The following NUDT3 variants were observed in gnomAD, a reference collection of about 807,000 sequenced individuals.
The protein encoded by NUDT3 is diphosphoinositol polyphosphate phosphohydrolase 1.
Under a neutral mutation model 23.6 loss-of-function variants are expected in NUDT3, and 9 were observed. The observed-to-expected ratio is 0.38, with a 90% confidence interval of 0.23 to 0.66. NUDT3 has a LOEUF of 0.66. Ranked by LOEUF, NUDT3 falls within the 30% of genes least tolerant of loss-of-function variation. The pLI is 0.52. For missense variants in NUDT3, 172 were observed against 218.5 expected (o/e 0.79, Z 1.34); for synonymous variants, 86 against 82.6 (o/e 1.04, Z -0.22).
intron 1 of NUDT3, among the ~76,000 whole-genome samples, chr6:34,368,354 G>C (rs1266631486): frequency 6.6e-6 from 1 of 152,168 alleles, no homozygotes. Context: ...CTCTTTACAA[G>C]CTTGAGAAGG....
intron 1 of NUDT3, among the ~76,000 whole-genome samples, chr6:34,365,697 G>C (rs771551566): frequency 6.6e-6 from 1 of 152,184 alleles, no homozygotes; most frequent in African/African-American, 2.4e-5. Flanking sequence ...AGGATCCCTT[G>C]AGGCCAGGAG....
At position 34,349,367 on chromosome 6, in the gene NUDT3, C is replaced by A. The variant is rs1021555435; in HGVS notation, c.100-7395G>T. ...CTGACAGGACGTGGGAATATGACTCCTTGGATATGGGCTGGGTCAATGGTG... is the reference window on the plus strand; with the variant it reads ...CTGACAGGACGTGGGAATATGACTCATTGGATATGGGCTGGGTCAATGGTG... On this transcript the variant is annotated intron_variant, in intron 1 of 4. Transcript: ENST00000607016. 2.3e-4 allele frequency among the ~76,000 whole-genome samples: 32 copies of A among 139,716 alleles called. 2 individuals are homozygous for A. The highest frequency in any genetic ancestry group is 8.3e-4 in the African/African-American group (29 of 34,764). 91.7% of individuals were successfully genotyped at this position (139,716 alleles called of 152,430 possible).
intron 1 of NUDT3, among the ~76,000 whole-genome samples, chr6:34,391,359 T>C (rs1765195958): frequency 6.6e-6 from 1 of 152,248 alleles, no homozygotes; most frequent in Non-Finnish European, 1.5e-5. Context: ...AGGCATCTTA[T>C]GAATTTCCAA....
chr6:34,385,636 C>A (rs1384776835), intron 1 of NUDT3, among the ~76,000 whole-genome samples: 1 of 151,316 alleles, frequency 6.6e-6, no homozygotes, highest in Admixed American at 6.6e-5. Flanking sequence ...TTTTAAGATC[C>A]CCTCTCCAGT....
intron 2 of NUDT3, among the ~76,000 whole-genome samples, chr6:34,319,818 G>A (rs1293735635): frequency 2.6e-5 from 4 of 152,174 alleles, no homozygotes; most frequent in East Asian, 3.8e-4. Context: ...TCATAAAGGC[G>A]GGGAAAGATT....
intron 2 of NUDT3, among the ~76,000 whole-genome samples, chr6:34,324,005 T>A (rs1763985159): frequency 6.6e-6 from 1 of 152,126 alleles, no homozygotes; most frequent in African/African-American, 2.4e-5. Context: ...GTGATCAAAC[T>A]TGGCTACACT....
rs117803339 is a variant in NUDT3 at position 34,295,313 on chromosome 6, A to G, written c.255+328T>C. 1.2e-4 allele frequency among the ~76,000 whole-genome samples: 19 copies of G among 152,140 alleles called. No homozygotes were observed. The East Asian group carries it at 2.5e-3, about 20-fold the overall frequency. On this transcript the variant is annotated intron_variant, in intron 3 of 4. Coordinates refer to ENST00000607016, the MANE Select transcript of NUDT3 (RefSeq NM_006703.4). ...TGAGGCAGGAGGATCGCTTAAACGC[A>G]GGAGTTTGAGACCAGCCTGGGCAAC...
Position 34,280,875 on chromosome 6 carries a change from C to G in NUDT3, c.*7878G>C, listed in dbSNP as rs1350018544. ...CTGTCTCAGTTCCACAGATATTACT[C>G]AACTTGGCCATTTACGCCTCAGCTA... On this transcript the variant is annotated 3_prime_UTR_variant, in exon 5 of 5. Transcript: ENST00000607016. 6.6e-6 allele frequency: 1 copy of G among 152,190 alleles called. No individual in the cohort carries two copies. The highest frequency in any genetic ancestry group is 1.5e-5 in the Non-Finnish European group (1 of 68,038). 9.4% of individuals were successfully genotyped at this position (152,190 alleles called of 1,614,324 possible).
chr6:34,380,831 C>T (rs1456495025), intron 1 of NUDT3, among the ~76,000 whole-genome samples: 1 of 152,136 alleles, frequency 6.6e-6, no homozygotes, highest in African/African-American at 2.4e-5. Context: ...ATATCTGGGC[C>T]TCTGACTTAG....
intron 2 of NUDT3, among the ~76,000 whole-genome samples, chr6:34,305,069 A>G (rs1452254553): frequency 7.2e-6 from 1 of 139,514 alleles, no homozygotes; most frequent in African/African-American, 2.7e-5. Context: ...TGCAACCTCC[A>G]TCTTCCAGGT....
chr6:34,288,580 G>T lies in NUDT3; in HGVS notation c.*173C>A. 2.4e-6 allele frequency: 2 copies of T among 837,208 alleles called. No homozygotes were observed. The highest frequency in any genetic ancestry group is 3.5e-6 in the Non-Finnish European group (2 of 571,382). 51.9% of individuals were successfully genotyped at this position (837,208 alleles called of 1,614,324 possible). A position where few individuals can be genotyped will look rare whatever the true frequency, so the allele number is the denominator to read the frequency against. ...ACCCTCAATAAAAACAGAAGAAAAA[G>T]CCCCATCACTTAACACCAAACAGCA... On this transcript the variant is annotated 3_prime_UTR_variant, in exon 5 of 5. Coordinates refer to ENST00000607016, the MANE Select transcript of NUDT3 (RefSeq NM_006703.4).
chr6:34,360,564 C>T (rs141155154), intron 1 of NUDT3, among the ~76,000 whole-genome samples: 201 of 152,200 alleles, frequency 1.3e-3, no homozygotes, highest in African/African-American at 4.3e-3. Flanking sequence ...GAGCAAGACA[C>T]CATCTCAAAA....
At chr6:34,303,410 A>G (rs1399894051) in intron 2 of NUDT3, among the ~76,000 whole-genome samples, 1 of 151,916 alleles carries the variant, frequency 6.6e-6, no homozygotes, top group East Asian at 1.9e-4. Flanking sequence ...TCTGTAAATA[A>G]GGACAATTTT....
intron 2 of NUDT3, among the ~76,000 whole-genome samples, chr6:34,308,612 C>T (rs901039216): frequency 6.6e-6 from 1 of 151,994 alleles, no homozygotes; most frequent in African/African-American, 2.4e-5. Flanking sequence ...ACATACCGTG[C>T]TAACACTAAT....
chr6:34,371,948 G>C (rs988045548), intron 1 of NUDT3, among the ~76,000 whole-genome samples: 17 of 152,150 alleles, frequency 1.1e-4, no homozygotes, highest in African/African-American at 4.1e-4. Context: ...CTGTGTCCAA[G>C]TGTTCTTATT....
intron 2 of NUDT3, among the ~76,000 whole-genome samples, chr6:34,320,082 T>G (rs1341004281): frequency 6.6e-6 from 1 of 152,230 alleles, no homozygotes; most frequent in Non-Finnish European, 1.5e-5. Flanking sequence ...AGTTCACTTC[T>G]GTATCCAATA....
chr6:34,390,329 G>A (rs1765177444), intron 1 of NUDT3, among the ~76,000 whole-genome samples: 1 of 151,500 alleles, frequency 6.6e-6, no homozygotes, highest in Non-Finnish European at 1.5e-5. Context: ...CTCCTAGAAG[G>A]CAAGTCCTAT....
chr6:34,351,757 A>AG (rs1405170613), intron 1 of NUDT3, among the ~76,000 whole-genome samples: 1 of 139,346 alleles, frequency 7.2e-6, no homozygotes, highest in African/African-American at 2.9e-5. Flanking sequence ...AAAAAAAAAA[A>AG]AAAAAGAAAT....
At position 34,308,477 on chromosome 6, in the gene NUDT3, A is replaced by AT. The variant is rs1763719059; in HGVS notation, c.211-12793_211-12792insA. 2.6e-5 allele frequency among the ~76,000 whole-genome samples: 4 copies of AT among 152,012 alleles called. No individual in the cohort carries two copies. The South Asian group carries it at 8.3e-4, about 32-fold the overall frequency. On this transcript the variant is annotated intron_variant, in intron 2 of 4. Coordinates refer to ENST00000607016, the MANE Select transcript of NUDT3 (RefSeq NM_006703.4). The stretch of plus-strand genomic sequence containing the variant: ...TCGTCTCTCAAAAAAAAAAAAAAAA[A>AT]ATACTGAGACTGTCAGAGTGCATCA...
Sources: allele counts gnomAD v4.1 joint callset (sites outside exome capture counted in the v4.1 genomes callset), GRCh38; gene constraint gnomAD v4.1.1; transcripts MANE v1.5; gene names NCBI Gene and HGNC (gene_info 2026-07-23, HGNC 2026-07-21).